Variants in KIAA1549L observed in about 807,000 individuals in gnomAD.
KIAA1549L encodes the protein UPF0606 protein KIAA1549L.
KIAA1549L carries 88 observed loss-of-function variants against 160.7 expected under a neutral mutation model. That is an observed-to-expected ratio of 0.55 (90% CI 0.46 to 0.65). KIAA1549L has a LOEUF of 0.65. Ranked by LOEUF, KIAA1549L falls within the 30% of genes least tolerant of loss-of-function variation. The pLI is 0.00. For missense variants in KIAA1549L, 2,258 were observed against 2,437.5 expected (o/e 0.93, Z 1.55); for synonymous variants, 950 against 976.7 (o/e 0.97, Z 0.51).
At chr11:33,534,717 A>T (rs1052146902) in intron 1 of KIAA1549L, among the ~76,000 whole-genome samples, 2 of 152,120 alleles carry the variant, frequency 1.3e-5, no homozygotes, top group African/African-American at 4.8e-5. Flanking sequence ...CTCAGGTGCT[A>T]TGTTACAATC....
rs141947030 is a variant in KIAA1549L, at chr11:33,436,735, G to A, written c.238+59846G>A. On this transcript the variant is annotated intron_variant, in intron 1 of 20. Coordinates refer to ENST00000658780, the MANE Select transcript of KIAA1549L (RefSeq NM_012194.3). ...AATGGTGGAGGCTGAACCCAAGCAAGCGCAGTCTGGCTCTTCAATTCCTCA... is the reference window on the plus strand; with the variant it reads ...AATGGTGGAGGCTGAACCCAAGCAAACGCAGTCTGGCTCTTCAATTCCTCA... Among the ~76,000 whole-genome samples, 84 of 152,348 alleles carry A rather than the reference G, an allele frequency of 5.5e-4. No individual in the cohort carries two copies. In the East Asian group the frequency reaches 0.016, roughly 29 times the overall value.
intron 1 of KIAA1549L, among the ~76,000 whole-genome samples, chr11:33,407,184 A>T (rs1221822725): frequency 1.4e-5 from 2 of 138,574 alleles, no homozygotes; most frequent in Non-Finnish European, 3.0e-5. Flanking sequence ...TCCCGGGTTC[A>T]CGCCATTCTC....
intron 1 of KIAA1549L, among the ~76,000 whole-genome samples, chr11:33,452,625 T>C (rs1212768185): frequency 6.6e-6 from 1 of 151,990 alleles, no homozygotes; most frequent in African/African-American, 2.4e-5. Context: ...TATGTATGTA[T>C]GTATGTATGT....
intron 10 of KIAA1549L, 66 bp from the exon 11 acceptor site, chr11:33,583,272 T>A: frequency 1.4e-6 from 2 of 1,458,746 alleles, no homozygotes; most frequent in Non-Finnish European, 1.9e-6. Flanking sequence ...TGGGGGGTTA[T>A]GTCTGGGTTG....
chr11:33,602,469 G>A (rs1850389507), intron 13 of KIAA1549L, among the ~76,000 whole-genome samples: 1 of 152,168 alleles, frequency 6.6e-6, no homozygotes, highest in African/African-American at 2.4e-5. Flanking sequence ...TTCAGAAAAA[G>A]CACGTGTTGG....
At chr11:33,431,273 A>G (rs1390210476) in intron 1 of KIAA1549L, among the ~76,000 whole-genome samples, 1 of 152,136 alleles carries the variant, frequency 6.6e-6, no homozygotes, top group Non-Finnish European at 1.5e-5. Context: ...CACAGTGTGG[A>G]AGGGGACCCG....
At chr11:33,433,159 A>G (rs1851285789) in intron 1 of KIAA1549L, among the ~76,000 whole-genome samples, 1 of 152,238 alleles carries the variant, frequency 6.6e-6, no homozygotes, top group Admixed American at 6.5e-5. Flanking sequence ...GGCAACCTAC[A>G]GAATAGGATA....
intron 1 of KIAA1549L, among the ~76,000 whole-genome samples, chr11:33,420,475 C>T (rs1409728674): frequency 6.6e-6 from 1 of 152,140 alleles, no homozygotes; most frequent in East Asian, 1.9e-4. Context: ...GATCCACCCA[C>T]CTTGGCCTCC....
chr11:33,520,695 AC>A (rs1853466726), intron 1 of KIAA1549L, among the ~76,000 whole-genome samples: 1 of 47,116 alleles, frequency 2.1e-5, no homozygotes, highest in African/African-American at 1.3e-4. Flanking sequence ...ACACACACAC[AC>A]ACACACACAC....
intron 16 of KIAA1549L, among the ~76,000 whole-genome samples, chr11:33,643,651 G>A (rs910932142): frequency 7.2e-5 from 11 of 152,160 alleles, no homozygotes; most frequent in Non-Finnish European, 1.3e-4. Context: ...AGGCAGTGCC[G>A]TGCTGCAGGA....
chr11:33,511,056 T>C (rs1242008912), intron 1 of KIAA1549L, among the ~76,000 whole-genome samples: 2 of 152,192 alleles, frequency 1.3e-5, no homozygotes, highest in Admixed American at 1.3e-4. Context: ...TAAACATTAG[T>C]TTTCCATGGC....
intron 16 of KIAA1549L, among the ~76,000 whole-genome samples, chr11:33,626,075 T>C (rs1397614195): frequency 6.6e-6 from 1 of 150,770 alleles, no homozygotes. Flanking sequence ...GTTGTAGATA[T>C]GCGGCATGAT....
chr11:33,648,691 T>C (rs978227035), intron 17 of KIAA1549L, among the ~76,000 whole-genome samples: 1 of 151,752 alleles, frequency 6.6e-6, no homozygotes, highest in African/African-American at 2.4e-5. Flanking sequence ...ACCCGTTAAC[T>C]CTGTGAAGAA....
rs184091621 is a variant in KIAA1549L, at chr11:33,410,422, C to T, written c.238+33533C>T. 2.6e-5 allele frequency among the ~76,000 whole-genome samples: 4 copies of T among 152,232 alleles called. No individual in the cohort carries two copies. In the East Asian group the frequency reaches 7.7e-4, roughly 29 times the overall value. Reference sequence around the variant, plus strand: ...TGTGTCTAGGCAGCGCCTAGAAAACCACTAAAAAAGAGGTAGCTGTTGCCA... The same window carrying T: ...TGTGTCTAGGCAGCGCCTAGAAAACTACTAAAAAAGAGGTAGCTGTTGCCA... On this transcript the variant is annotated intron_variant, in intron 1 of 20. Coordinates refer to ENST00000658780, the MANE Select transcript of KIAA1549L (RefSeq NM_012194.3).
intron 14 of KIAA1549L, 99 bp downstream of exon 14, chr11:33,606,921 T>A: frequency 2.1e-6 from 2 of 938,852 alleles, no homozygotes; most frequent in Non-Finnish European, 3.2e-6. Flanking sequence ...AGATTGCACC[T>A]AGGGCCGTAT....
chr11:33,559,288 T>C (rs745382582), intron 6 of KIAA1549L, among the ~76,000 whole-genome samples: 3 of 152,218 alleles, frequency 2.0e-5, no homozygotes. Context: ...TCCTTCAATG[T>C]AACATTCCAA....
At chr11:33,379,108 G>A (rs939664727) in intron 1 of KIAA1549L, among the ~76,000 whole-genome samples, 3 of 152,188 alleles carry the variant, frequency 2.0e-5, no homozygotes, top group African/African-American at 7.2e-5. Flanking sequence ...GTGCTGGCTT[G>A]CTACAGTCCC....
intron 4 of KIAA1549L, among the ~76,000 whole-genome samples, chr11:33,548,174 T>G (rs186332381): frequency 6.6e-6 from 1 of 152,086 alleles, no homozygotes; most frequent in Non-Finnish European, 1.5e-5. Flanking sequence ...CCGAGGCAGG[T>G]GATCACTTGG....
At chr11:33,605,505 TA>T (rs200086512) in intron 13 of KIAA1549L, among the ~76,000 whole-genome samples, 5 of 151,770 alleles carry the variant, frequency 3.3e-5, no homozygotes, top group Middle Eastern at 3.4e-3. Context: ...CCACAGAACT[TA>T]AAAAAAAATC....
Sources: allele counts gnomAD v4.1 joint callset (sites outside exome capture counted in the v4.1 genomes callset), GRCh38; gene constraint gnomAD v4.1.1; transcripts MANE v1.5; gene names NCBI Gene and HGNC (gene_info 2026-07-23, HGNC 2026-07-21).